The following MAD2L1BP variants were observed in gnomAD, a reference collection of about 807,000 sequenced individuals.
The protein encoded by MAD2L1BP is MAD2L1 binding protein, also known as MAD2L1-binding protein.
MAD2L1BP carries 22 observed loss-of-function variants against 28.4 expected under a neutral mutation model. That is an observed-to-expected ratio of 0.77 (90% confidence interval 0.55 to 1.10). The LOEUF (loss-of-function observed/expected upper bound fraction) is 1.10. Among genes scored for constraint, MAD2L1BP ranks in the 50% least tolerant of loss-of-function variants. The pLI is 0.00. For missense variants in MAD2L1BP, 325 were observed against 350.5 expected, an observed-to-expected ratio of 0.93 and a Z score of 0.58; for synonymous variants, 146 against 133.7, an observed-to-expected ratio of 1.09 and a Z score of -0.63.
At chr6:43,630,588 C>G (rs1372854813) in intron 1 of MAD2L1BP, among the ~76,000 whole-genome samples, 1 of 151,988 alleles carries the variant, frequency 6.6e-6, no homozygotes, top group African/African-American at 2.4e-5. Context: ...ACTAAAAATA[C>G]AAAAATTAGC....
upstream of MAD2L1BP, chr6:43,633,170 TAC>T: frequency 2.3e-6 from 1 of 432,468 alleles, no homozygotes; most frequent in South Asian, 1.7e-5. Flanking sequence ...TTAATCATTG[TAC>T]TTTTTTTTTT....
upstream of MAD2L1BP, among the ~76,000 whole-genome samples, chr6:43,634,186 G>C (rs1323996530): frequency 7.0e-6 from 1 of 143,348 alleles, no homozygotes; most frequent in Non-Finnish European, 1.5e-5. Context: ...TCCTATTTTA[G>C]TGTTTCCTCC....
In MAD2L1BP at chr6:43,635,912, G is replaced by C; in HGVS notation, c.37G>C (p.Ala13Pro). 6.7e-7 allele frequency: 1 copy of C among 1,500,910 alleles called. No homozygotes were observed. The highest frequency in any genetic ancestry group is 8.8e-7 in the Non-Finnish European group (1 of 1,131,010). 93.0% of individuals were successfully genotyped at this position (1,500,910 alleles called of 1,614,324 possible). A position where few individuals can be genotyped will look rare whatever the true frequency, so the allele number is the denominator to read the frequency against. ...APEAEVLSSA[A>P]VPDLEWYEKS... ...GGAGGCGGAGGTTCTGTCCTCAGCC[G>C]CAGTCCCTGGTAAGGCGTGGGGCCA... Residue 13 changes from alanine to proline, a missense_variant, in exon 1 of 3, where the codon GCA (alanine) becomes CCA (proline). Transcript: ENST00000372171.
exon 1 of MAD2L1BP, chr6:43,629,688 A>C: frequency 6.5e-7 from 1 of 1,533,530 alleles, no homozygotes; most frequent in Non-Finnish European, 8.8e-7. Context: ...CGAGAGCTGC[A>C]GAACTGAGGC....
intron 1 of MAD2L1BP, 31 bp downstream of exon 1, chr6:43,635,952 C>T: frequency 1.3e-6 from 2 of 1,532,194 alleles, no homozygotes; most frequent in Non-Finnish European, 1.8e-6. Flanking sequence ...TTTGGGGAGC[C>T]TTGGGGACTT....
exon 1 of MAD2L1BP, chr6:43,629,709 G>T (rs1396411827): frequency 2.6e-6 from 4 of 1,549,872 alleles, no homozygotes; most frequent in Non-Finnish European, 3.5e-6. Context: ...TACTGGTGCC[G>T]CCAGCCTGCT....
Position 43,636,664 on chromosome 6 carries a change from G to T in MAD2L1BP, c.312+18G>T. ...CTCCCCAGGTAGGCACAGGCTTTGG[G>T]AGCAAGTTGGTGGGAAGACTTTGTG... is the stretch of plus-strand genomic sequence containing the variant. On this transcript the variant is annotated intron_variant, in intron 2 of 2. Transcript: ENST00000372171. The T allele has an allele frequency of 6.2e-7, 1 of 1,605,756 alleles. No individual in the cohort carries two copies. The highest frequency in any genetic ancestry group is 8.5e-7 in the Non-Finnish European group (1 of 1,173,564).
chr6:43,636,788 T>A, intron 2 of MAD2L1BP, 142 bp downstream of exon 2: 1 of 913,774 alleles, frequency 1.1e-6, no homozygotes, highest in Non-Finnish European at 1.7e-6. Flanking sequence ...CTCCCCACTC[T>A]AGTCTTTGGT....
At chr6:43,630,926 A>G (rs1480721522), upstream of MAD2L1BP, among the ~76,000 whole-genome samples, 1 of 151,548 alleles carries the variant, frequency 6.6e-6, no homozygotes, top group Non-Finnish European at 1.5e-5. Flanking sequence ...AAAAAAAAAA[A>G]AAAAAGAAAG....
At chr6:43,635,617 C>T (rs1413240415), upstream of MAD2L1BP, among the ~76,000 whole-genome samples, 1 of 152,240 alleles carries the variant, frequency 6.6e-6, no homozygotes, top group Non-Finnish European at 1.5e-5. Flanking sequence ...TGCAAGAGGG[C>T]TGGTGTCTTT....
At chr6:43,631,790 A>G (rs1461940599), upstream of MAD2L1BP, among the ~76,000 whole-genome samples, 4 of 151,014 alleles carry the variant, frequency 2.6e-5, no homozygotes, top group African/African-American at 9.7e-5. Context: ...CTGACCTACT[A>G]TTTTATTTAT....
upstream of MAD2L1BP, among the ~76,000 whole-genome samples, chr6:43,634,110 A>G (rs911943709): frequency 1.3e-5 from 2 of 151,368 alleles, no homozygotes; most frequent in African/African-American, 4.9e-5. Flanking sequence ...GTCAAATTCA[A>G]TCTGTGAAAA....
chr6:43,634,044 A>G (rs900547427), upstream of MAD2L1BP, among the ~76,000 whole-genome samples: 2 of 152,060 alleles, frequency 1.3e-5, no homozygotes, highest in Non-Finnish European at 2.9e-5. Flanking sequence ...TCTTAAATAC[A>G]TACCTTTATT....
In MAD2L1BP at chr6:43,636,613, G is replaced by A. The variant is rs1213996885; in HGVS notation, c.279G>A (p.Gln93=). 1 of 1,613,588 alleles carries A rather than the reference G, an allele frequency of 6.2e-7. No individual in the cohort carries two copies. The highest frequency in any genetic ancestry group is 1.3e-5 in the African/African-American group (1 of 75,050). Residue 93 remains glutamine, a synonymous_variant, in exon 2 of 3, where the codon CAG becomes CAA. Coordinates refer to ENST00000372171, the MANE Select transcript of MAD2L1BP (RefSeq NM_014628.3). ...QRQQLPLPYE[Q]LKHFYRKPSP... Reference sequence around the variant, plus strand: ...AGCAGCTCCCTCTGCCCTATGAACAGCTTAAGCACTTTTACCGAAAACCTT... The same window carrying A: ...AGCAGCTCCCTCTGCCCTATGAACAACTTAAGCACTTTTACCGAAAACCTT...
intron 2 of MAD2L1BP, among the ~76,000 whole-genome samples, chr6:43,639,418 C>G (rs780287324): frequency 1.3e-5 from 2 of 152,188 alleles, no homozygotes; most frequent in Non-Finnish European, 2.9e-5. Flanking sequence ...GGATTACAGG[C>G]GTAAGCCACT....
rs751030323 is a variant in MAD2L1BP, at chr6:43,636,492, A to G, written c.158A>G (p.Asp53Gly). The G allele has an allele frequency of 4.3e-6, 7 of 1,613,988 alleles. No individual in the cohort carries two copies. In the African/African-American group the frequency reaches 8.0e-5, roughly 18 times the overall value. ...LNASEAFCPR[D>G]CMVPVVFPGP... ...GCTTCGGAGGCCTTTTGCCCAAGAG[A>G]CTGCATGGTACCAGTGGTGTTTCCT... Residue 53 changes from aspartate to glycine, a missense_variant, in exon 2 of 3, where the codon GAC becomes GGC. By Grantham distance (94) the Asp-to-Gly change is moderately conservative. Coordinates refer to ENST00000372171, the MANE Select transcript of MAD2L1BP (RefSeq NM_014628.3).
At chr6:43,633,960 G>C (rs1264354266), upstream of MAD2L1BP, among the ~76,000 whole-genome samples, 2 of 152,178 alleles carry the variant, frequency 1.3e-5, no homozygotes, top group African/African-American at 4.8e-5. Flanking sequence ...CTAAACATTA[G>C]TGTCTTCAAT....
At position 43,640,461 on chromosome 6, in the gene MAD2L1BP, C is replaced by T; in HGVS notation, c.753C>T (p.Ser251=). 6.2e-7 allele frequency: 1 copy of T among 1,613,448 alleles called. No individual in the cohort carries two copies. The highest frequency in any genetic ancestry group is 8.5e-7 in the Non-Finnish European group (1 of 1,179,854). The part of the protein sequence containing the change: ...LTVTLSCGRP[S]IRTTAWEDYI... ...TGACCCTGTCATGTGGCAGACCTTC[C>T]ATCCGAACCACGGCTTGGGAAGACT... Residue 251 remains serine (S), a synonymous_variant, in exon 3 of 3, where the codon TCC becomes TCT. Coordinates refer to ENST00000372171, the MANE Select transcript of MAD2L1BP (RefSeq NM_014628.3).
intron 2 of MAD2L1BP, chr6:43,636,875 C>T (rs1386926075): frequency 3.6e-6 from 2 of 560,324 alleles, no homozygotes; most frequent in African/African-American, 1.9e-5. Flanking sequence ...AATGAACTGG[C>T]TCTTTGCATT....
Sources: allele counts gnomAD v4.1 joint callset (sites outside exome capture counted in the v4.1 genomes callset), GRCh38; gene constraint gnomAD v4.1.1; transcripts MANE v1.5; gene names NCBI Gene and HGNC (gene_info 2026-07-23, HGNC 2026-07-21).